Variants in SAMD12 observed in about 807,000 individuals in gnomAD.
SAMD12 encodes sterile alpha motif domain containing 12.
In SAMD12, 9 loss-of-function variants were observed where a neutral mutation model predicts 15.0. The observed-to-expected ratio is 0.60, with a 90% confidence interval of 0.36 to 1.05. SAMD12 has a LOEUF of 1.05. SAMD12 is among the 50% of genes least tolerant of loss of function. The pLI, the probability that SAMD12 is intolerant of heterozygous loss-of-function variation, is 0.01. For synonymous variants in SAMD12, 86 were observed against 90.1 expected (o/e 0.96, Z 0.25); for missense variants, 230 against 234.2 (o/e 0.98, Z 0.12).
intron 4 of SAMD12, chr8:118,282,001 C>T (rs1451965186): frequency 6.7e-6 from 2 of 297,782 alleles, no homozygotes; most frequent in African/African-American, 4.5e-5. Flanking sequence ...CCACTGAAGA[C>T]AGATGTTAAT....
At chr8:118,437,891 C>G (rs1373726433) in intron 3 of SAMD12, among the ~76,000 whole-genome samples, 1 of 152,162 alleles carries the variant, frequency 6.6e-6, no homozygotes, top group Non-Finnish European at 1.5e-5. Flanking sequence ...ATCCTTCCCT[C>G]AAGGGGACCT....
At chr8:118,315,182 G>A (rs1488028816) in intron 4 of SAMD12, among the ~76,000 whole-genome samples, 2 of 152,102 alleles carry the variant, frequency 1.3e-5, no homozygotes, top group Admixed American at 6.6e-5. Flanking sequence ...ACTGCCATTT[G>A]CTTTTGGTGA....
At chr8:118,209,836 A>G (rs2129812062) in intron 4 of SAMD12, among the ~76,000 whole-genome samples, 1 of 152,286 alleles carries the variant, frequency 6.6e-6, no homozygotes, top group East Asian at 1.9e-4. Flanking sequence ...TTACCTTGAC[A>G]TACTGTATCT....
chr8:118,397,560 G>T (rs1197207321), intron 3 of SAMD12, among the ~76,000 whole-genome samples: 2 of 151,930 alleles, frequency 1.3e-5, no homozygotes, highest in African/African-American at 4.8e-5. Flanking sequence ...TTTCTCCTAG[G>T]GTAGATATCT....
intron 4 of SAMD12, among the ~76,000 whole-genome samples, chr8:118,344,637 C>T (rs1222435095): frequency 6.6e-6 from 1 of 152,138 alleles, no homozygotes; most frequent in African/African-American, 2.4e-5. Flanking sequence ...TAGAATAGCA[C>T]TAGCATGTGA....
intron 3 of SAMD12, among the ~76,000 whole-genome samples, chr8:118,387,187 T>A (rs1251224566): frequency 6.6e-6 from 1 of 152,170 alleles, no homozygotes; most frequent in Non-Finnish European, 1.5e-5. Context: ...AAAATTGGAA[T>A]TTTGGGAACA....
chr8:118,539,457 G>T (rs1181688822), intron 2 of SAMD12, among the ~76,000 whole-genome samples: 5 of 152,160 alleles, frequency 3.3e-5, no homozygotes, highest in Admixed American at 3.3e-4. Context: ...AGAAAATCCT[G>T]TCTTGGTACA....
chr8:118,524,037 T>C (rs148065546), intron 2 of SAMD12, among the ~76,000 whole-genome samples: 2 of 152,098 alleles, frequency 1.3e-5, no homozygotes, highest in East Asian at 1.9e-4. Flanking sequence ...TCTTTTTATA[T>C]CTCCCATGTT....
At chr8:118,462,685 A>G (rs1823460452) in intron 2 of SAMD12, among the ~76,000 whole-genome samples, 2 of 152,200 alleles carry the variant, frequency 1.3e-5, no homozygotes, top group Admixed American at 1.3e-4. Flanking sequence ...GAAAGTAAGG[A>G]TGAGAAATGA....
chr8:118,308,789 C>T (rs1815474243), intron 4 of SAMD12, among the ~76,000 whole-genome samples: 1 of 151,952 alleles, frequency 6.6e-6, no homozygotes, highest in Non-Finnish European at 1.5e-5. Context: ...CTAATAGCTG[C>T]TTAACACGCC....
intron 1 of SAMD12, among the ~76,000 whole-genome samples, chr8:118,616,151 C>G (rs1471719890): frequency 1.3e-5 from 2 of 152,204 alleles, no homozygotes; most frequent in African/African-American, 4.8e-5. Context: ...ATTAGTTTAA[C>G]AATCACACAA....
chr8:118,265,380 G>A (rs75891825), intron 4 of SAMD12, among the ~76,000 whole-genome samples: 3 of 152,052 alleles, frequency 2.0e-5, no homozygotes, highest in African/African-American at 7.2e-5. Context: ...ACTGTTGAGG[G>A]TGATTTTTTT....
chr8:118,603,138 A>G (rs1418908855), intron 1 of SAMD12, among the ~76,000 whole-genome samples: 2 of 152,174 alleles, frequency 1.3e-5, no homozygotes, highest in South Asian at 2.1e-4. Context: ...TTAAAAAATA[A>G]GAACTAGTCC....
chr8:118,169,316 C>T, the SAMD12 span, among the ~76,000 whole-genome samples: 4 of 152,120 alleles, frequency 2.6e-5, no homozygotes, highest in Non-Finnish European at 4.4e-5. Context: ...AAGGAAATGC[C>T]GATCCTAGCA....
intron 4 of SAMD12, among the ~76,000 whole-genome samples, chr8:118,209,604 T>G (rs1368209807): frequency 6.6e-6 from 1 of 152,206 alleles, no homozygotes; most frequent in Admixed American, 6.5e-5. Context: ...TTGAACTGGC[T>G]GGTGGCCATC....
At chr8:118,275,458 TTCTC>T (rs929006682) in intron 4 of SAMD12, among the ~76,000 whole-genome samples, 4 of 152,226 alleles carry the variant, frequency 2.6e-5, no homozygotes, top group African/African-American at 9.6e-5. Context: ...TTTGGGGAAA[TTCTC>T]TCTTTTTCTA....
chr8:118,221,885 G>A (rs1812089449), intron 4 of SAMD12, among the ~76,000 whole-genome samples: 1 of 152,170 alleles, frequency 6.6e-6, no homozygotes, highest in South Asian at 2.1e-4. Context: ...ATGAAAATAA[G>A]ATCCATGTTT....
intron 4 of SAMD12, among the ~76,000 whole-genome samples, chr8:118,279,940 A>C (rs981034504): frequency 6.6e-6 from 1 of 152,212 alleles, no homozygotes; most frequent in Admixed American, 6.5e-5. Flanking sequence ...CAGGACGCAC[A>C]TGCCCTATGT....
chr8:118,324,596 G>C (rs963974116), intron 4 of SAMD12, among the ~76,000 whole-genome samples: 3 of 152,172 alleles, frequency 2.0e-5, no homozygotes, highest in African/African-American at 4.8e-5. Context: ...TGAAAAACAA[G>C]AAGATATTGC....
Sources: allele counts gnomAD v4.1 joint callset (sites outside exome capture counted in the v4.1 genomes callset), GRCh38; gene constraint gnomAD v4.1.1; transcripts MANE v1.5; gene names NCBI Gene and HGNC (gene_info 2026-07-23, HGNC 2026-07-21).